SAMD5: variants seen among roughly 807,000 people sequenced by gnomAD.
SAMD5 encodes sterile alpha motif domain-containing protein 5.
SAMD5 carries 13 observed loss-of-function variants against 11.3 expected under a neutral mutation model. The observed-to-expected ratio is 1.15, with a 90% CI of 0.75 to 1.83. The LOEUF is 1.83. Among genes scored for constraint, SAMD5 ranks in the 40% most tolerant of loss-of-function variants. The pLI, the probability that SAMD5 is intolerant of heterozygous loss-of-function variation, is 0.00. For synonymous variants in SAMD5, 129 were observed against 111.3 expected (o/e 1.16, Z -1.00); for missense variants, 255 against 239.1 (o/e 1.07, Z -0.44).
chr6:147,870,433 T>G, the SAMD5 span, among the ~76,000 whole-genome samples: 2 of 120,960 alleles, frequency 1.7e-5, no homozygotes, highest in East Asian at 4.4e-4. Context: ...TCCCCTTTGG[T>G]GTGTGTGTGT....
chr6:147,630,179 C>A (rs2128451240), intron 1 of SAMD5, among the ~76,000 whole-genome samples: 1 of 152,122 alleles, frequency 6.6e-6, no homozygotes, highest in Non-Finnish European at 1.5e-5. Flanking sequence ...GAACTCCCGA[C>A]CTTAGGTGAT....
At chr6:147,598,176 T>C (rs1789562455) in intron 1 of SAMD5, among the ~76,000 whole-genome samples, 1 of 152,002 alleles carries the variant, frequency 6.6e-6, no homozygotes, top group African/African-American at 2.4e-5. Context: ...CCGAGCTGGA[T>C]TTCAATGGTG....
At chr6:147,716,092 G>A (rs1236218245) in intron 1 of SAMD5, among the ~76,000 whole-genome samples, 1 of 152,146 alleles carries the variant, frequency 6.6e-6, no homozygotes, top group Non-Finnish European at 1.5e-5. Flanking sequence ...CCACTCCCAG[G>A]AGCCTGTCTG....
At chr6:147,718,713 C>G (rs1791502574) in intron 1 of SAMD5, among the ~76,000 whole-genome samples, 1 of 151,132 alleles carries the variant, frequency 6.6e-6, no homozygotes, top group African/African-American at 2.4e-5. Context: ...TTTTTGGAGG[C>G]AAAGTCTTGC....
the SAMD5 span, among the ~76,000 whole-genome samples, chr6:147,766,636 C>A: frequency 6.6e-6 from 1 of 152,116 alleles, no homozygotes; most frequent in Admixed American, 6.5e-5. Flanking sequence ...ATAAACCTCC[C>A]ACGTCTTAGA....
chr6:147,519,937 C>T (rs933297857), intron 1 of SAMD5, among the ~76,000 whole-genome samples: 10 of 152,086 alleles, frequency 6.6e-5, no homozygotes, highest in African/African-American at 2.4e-4. Context: ...TTTAAGGACT[C>T]CCTTATTCTT....
At chr6:147,954,588 C>T in the SAMD5 span, among the ~76,000 whole-genome samples, 1 of 152,012 alleles carries the variant, frequency 6.6e-6, no homozygotes, top group Admixed American at 6.6e-5. Context: ...AACTTCCAGT[C>T]CTGCTAGCTC....
rs1790112728 is a variant in SAMD5 at position 147,629,815 on chromosome 6, A to G, written c.163-107502A>G. On this transcript the variant is annotated intron_variant, in intron 1 of 1. Coordinates refer to the SAMD5 transcript ENST00000566741. ...TCCTGTTGTAGCACCTCTTCCTTCC[A>G]GCTTCGAGTGGATAAGGGAAGGTGT... Among the ~76,000 whole-genome samples the G allele has an allele frequency of 2.0e-5, 3 of 152,104 alleles. No homozygotes were observed. In the South Asian group the frequency reaches 6.2e-4, roughly 32 times the overall value.
the SAMD5 span, among the ~76,000 whole-genome samples, chr6:147,862,000 G>A: frequency 1.3e-5 from 2 of 152,194 alleles, no homozygotes; most frequent in South Asian, 4.1e-4. Context: ...CCAGTTTTGG[G>A]CCAGAAAGTA....
At chr6:147,766,801 G>C in the SAMD5 span, among the ~76,000 whole-genome samples, 1 of 152,054 alleles carries the variant, frequency 6.6e-6, no homozygotes, top group Non-Finnish European at 1.5e-5. Context: ...ATTAGAGCGG[G>C]AAGGTAAAGA....
At chr6:147,841,078 T>C in the SAMD5 span, among the ~76,000 whole-genome samples, 1,868 of 152,344 alleles carry the variant, frequency 0.012, 41 homozygotes, top group South Asian at 0.074. Flanking sequence ...GTTATTTTTC[T>C]AGGGTGCACA....
the SAMD5 span, among the ~76,000 whole-genome samples, chr6:147,824,826 C>A: frequency 2.6e-5 from 4 of 152,062 alleles, no homozygotes; most frequent in Non-Finnish European, 4.4e-5. Context: ...TCATTCATTC[C>A]TTCATTCAGT....
chr6:147,761,745 A>G, the SAMD5 span, among the ~76,000 whole-genome samples: 1 of 152,098 alleles, frequency 6.6e-6, no homozygotes, highest in Non-Finnish European at 1.5e-5. Flanking sequence ...ACGGAGTCTC[A>G]CTCTGTAGCC....
chr6:147,877,479 C>A, the SAMD5 span, among the ~76,000 whole-genome samples: 1 of 152,084 alleles, frequency 6.6e-6, no homozygotes, highest in Admixed American at 6.6e-5. Flanking sequence ...AATACAATGT[C>A]AAAATGTATT....
intron 1 of SAMD5, among the ~76,000 whole-genome samples, chr6:147,597,443 C>T (rs1174621008): frequency 2.0e-5 from 3 of 152,126 alleles, no homozygotes; most frequent in Admixed American, 6.5e-5. Context: ...TTTGTAATTA[C>T]TTGAGGTTAT....
chr6:147,552,922 A>T (rs1320634109), intron 1 of SAMD5, among the ~76,000 whole-genome samples: 1 of 152,234 alleles, frequency 6.6e-6, no homozygotes, highest in Non-Finnish European at 1.5e-5. Context: ...ACATTTGTGG[A>T]TGACTAACTT....
intron 1 of SAMD5, among the ~76,000 whole-genome samples, chr6:147,553,083 C>T (rs192887847): frequency 6.6e-6 from 1 of 152,114 alleles, no homozygotes; most frequent in Non-Finnish European, 1.5e-5. Flanking sequence ...AAAAATCAAC[C>T]AGTTATATAG....
intron 1 of SAMD5, among the ~76,000 whole-genome samples, chr6:147,675,748 T>G (rs951684709): frequency 6.6e-6 from 1 of 152,210 alleles, no homozygotes; most frequent in African/African-American, 2.4e-5. Context: ...GTTTTTTGTA[T>G]AAGGGGAAAA....
chr6:147,632,817 A>G (rs1301233890), intron 1 of SAMD5, among the ~76,000 whole-genome samples: 1 of 152,254 alleles, frequency 6.6e-6, no homozygotes, highest in Non-Finnish European at 1.5e-5. Context: ...TACTACTTAT[A>G]ACTTAAATTT....
Sources: gnomAD v4.1 joint callset for allele counts (sites outside exome capture counted in the v4.1 genomes callset) on GRCh38, gnomAD v4.1.1 for gene constraint, MANE v1.5 for transcripts, NCBI Gene and HGNC (gene_info 2026-07-23, HGNC 2026-07-21) for gene names.